UNC13C: variants seen among roughly 807,000 people sequenced by gnomAD.
The protein encoded by UNC13C is unc-13 homolog C, also known as protein unc-13 homolog C.
In UNC13C, 174 loss-of-function variants were observed where a neutral mutation model predicts 245.4. The ratio of observed to expected loss-of-function variants is 0.71; its 90% CI spans 0.63 to 0.80. The LOEUF is 0.80. UNC13C is among the 30% of genes least tolerant of loss of function. UNC13C has a pLI of 0.00. For synonymous variants in UNC13C, 992 were observed against 895.1 expected, an observed-to-expected ratio of 1.11 and a Z score of -1.93; for missense variants, 2,829 against 2,602.9, an observed-to-expected ratio of 1.09 and a Z score of -1.89.
In UNC13C at chr15:54,540,052, G is replaced by A. The variant is rs1041771981; in HGVS notation, c.5697-6670G>A. Among the ~76,000 whole-genome samples the A allele has an allele frequency of 2.0e-5, 3 of 152,014 alleles. No homozygotes were observed. The South Asian group carries it at 6.2e-4, about 31-fold the overall frequency. On this transcript the variant is annotated intron_variant, in intron 26 of 32. Transcript: ENST00000260323. Reference sequence around the variant, plus strand: ...ATGGAGAATTGCAGAAATCCTCAGGGCTAATTCAGAATGCATAACTTAAAA... The same window carrying A: ...ATGGAGAATTGCAGAAATCCTCAGGACTAATTCAGAATGCATAACTTAAAA...
At chr15:54,261,450 A>G (rs2036421707) in intron 8 of UNC13C, among the ~76,000 whole-genome samples, 1 of 152,258 alleles carries the variant, frequency 6.6e-6, no homozygotes. Flanking sequence ...ATTTGTCTCT[A>G]TCTCTGAGCT....
At chr15:54,120,351 C>T (rs1215656400) in intron 2 of UNC13C, among the ~76,000 whole-genome samples, 2 of 152,114 alleles carry the variant, frequency 1.3e-5, no homozygotes, top group Non-Finnish European at 2.9e-5. Context: ...GTTAATGGAG[C>T]CACAAACCTG....
intron 17 of UNC13C, among the ~76,000 whole-genome samples, chr15:54,362,735 C>T (rs188512940): frequency 6.3e-4 from 95 of 151,894 alleles, no homozygotes; most frequent in Non-Finnish European, 1.1e-3. Flanking sequence ...CTCTAATGAT[C>T]GAAAATCACT....
At chr15:53,879,477 A>G in the UNC13C span, among the ~76,000 whole-genome samples, 2 of 152,208 alleles carry the variant, frequency 1.3e-5, no homozygotes, top group African/African-American at 4.8e-5. Flanking sequence ...TTCAATTTTT[A>G]TATCAAATGC....
chr15:54,224,581 A>G (rs1406493782), intron 4 of UNC13C, among the ~76,000 whole-genome samples: 1 of 152,080 alleles, frequency 6.6e-6, no homozygotes, highest in Non-Finnish European at 1.5e-5. Flanking sequence ...CATCAGGGAT[A>G]TTGGCCTGTG....
intron 8 of UNC13C, among the ~76,000 whole-genome samples, chr15:54,254,870 A>G (rs1284908345): frequency 6.6e-6 from 1 of 152,102 alleles, no homozygotes; most frequent in Non-Finnish European, 1.5e-5. Context: ...TGAATTTGAG[A>G]CATTCTATGC....
intron 19 of UNC13C, among the ~76,000 whole-genome samples, chr15:54,442,802 G>A (rs1375263325): frequency 6.6e-6 from 1 of 152,010 alleles, no homozygotes; most frequent in African/African-American, 2.4e-5. Context: ...GTGATGTGCT[G>A]TTGGATTTGT....
chr15:54,188,896 A>G (rs1328249420), intron 4 of UNC13C, among the ~76,000 whole-genome samples: 1 of 152,224 alleles, frequency 6.6e-6, no homozygotes, highest in African/African-American at 2.4e-5. Flanking sequence ...TCTTAGGAAG[A>G]AATGCAATCT....
At chr15:54,080,737 T>G (rs1001294880) in intron 2 of UNC13C, among the ~76,000 whole-genome samples, 4 of 152,120 alleles carry the variant, frequency 2.6e-5, no homozygotes, top group Non-Finnish European at 5.9e-5. Context: ...GATATTGATA[T>G]GTCAGTTTTG....
In UNC13C at chr15:54,222,056, A is replaced by G. The variant is rs551379545; in HGVS notation, c.3072-12974A>G. Among the ~76,000 whole-genome samples the G allele has an allele frequency of 1.4e-4, 22 of 152,220 alleles. No homozygotes were observed. In the East Asian group the frequency reaches 4.0e-3, roughly 28 times the overall value. ...AATGCATAATAATCACATCAGGGTA[A>G]ATGGGATATCCATCAACTCAAGAAT... On this transcript the variant is annotated intron_variant, in intron 4 of 32. Coordinates refer to ENST00000260323, the MANE Select transcript of UNC13C (RefSeq NM_001080534.3).
chr15:54,035,836 G>T (rs1442583869), intron 2 of UNC13C, among the ~76,000 whole-genome samples: 1 of 152,092 alleles, frequency 6.6e-6, no homozygotes, highest in East Asian at 1.9e-4. Context: ...GTTTCACAAG[G>T]TGGGGAGGTA....
intron 2 of UNC13C, among the ~76,000 whole-genome samples, chr15:54,095,322 G>T (rs1480965351): frequency 6.6e-6 from 1 of 152,144 alleles, no homozygotes; most frequent in Non-Finnish European, 1.5e-5. Context: ...CATAGATCGG[G>T]TTGTAGTGGG....
rs11633686 is a variant in UNC13C at position 54,455,206 on chromosome 15, T to C, written c.4934-39402T>C. 4.7e-3 allele frequency among the ~76,000 whole-genome samples: 112 copies of C among 24,024 alleles called. 10 individuals are homozygous for C. The highest frequency in any genetic ancestry group is 7.6e-3 in the East Asian group (6 of 792). 15.8% of individuals were successfully genotyped at this position (24,024 alleles called of 152,430 possible). ...CTCTCTCTCTCTCTCTCTCTCTCTC[T>C]ATATATATATATATATATATATATA... On this transcript the variant is annotated intron_variant, in intron 19 of 32. Coordinates refer to ENST00000260323, the MANE Select transcript of UNC13C (RefSeq NM_001080534.3).
chr15:54,619,382 T>C (rs1011238744), intron 30 of UNC13C, among the ~76,000 whole-genome samples: 1 of 152,200 alleles, frequency 6.6e-6, no homozygotes, highest in Non-Finnish European at 1.5e-5. Context: ...CATTATCCCT[T>C]ATCCTTTCTT....
intron 18 of UNC13C, among the ~76,000 whole-genome samples, chr15:54,412,468 G>C (rs577039530): frequency 6.6e-6 from 1 of 152,100 alleles, no homozygotes; most frequent in Non-Finnish European, 1.5e-5. Context: ...GCCCCCATGG[G>C]GATTACAGAT....
chr15:54,175,611 C>G (rs1237769673), intron 4 of UNC13C, among the ~76,000 whole-genome samples: 1 of 148,072 alleles, frequency 6.8e-6, no homozygotes, highest in Non-Finnish European at 1.5e-5. Flanking sequence ...CTCCCGGGTT[C>G]ACGCCATTCT....
chr15:54,441,454 C>T (rs1405175075), intron 19 of UNC13C, among the ~76,000 whole-genome samples: 1 of 151,826 alleles, frequency 6.6e-6, no homozygotes, highest in Non-Finnish European at 1.5e-5. Context: ...GTTCTTGGCA[C>T]CTTTGGAGGG....
rs60975842 is a variant in UNC13C at position 54,548,208 on chromosome 15, C to CTTTTTTTTTTTTT, written c.5820+1381_5820+1393dup. Among the ~76,000 whole-genome samples, 17 of 61,936 alleles carry CTTTTTTTTTTTTT rather than the reference C, an allele frequency of 2.7e-4. 4 individuals are homozygous for CTTTTTTTTTTTTT. The highest frequency in any genetic ancestry group is 5.7e-4 in the African/African-American group (13 of 22,938). 40.6% of individuals were successfully genotyped at this position (61,936 alleles called of 152,430 possible). The stretch of plus-strand genomic sequence containing the variant: ...TGTTGTTGTTGTTTTGTTTCTTTTG[C>CTTTTTTTTTTTTT]TTTTTTTTTTTTTTTTTTTTTTTTT... On this transcript the variant is annotated intron_variant, in intron 27 of 32. Transcript: ENST00000260323.
chr15:54,202,516 T>C (rs2034554978), intron 4 of UNC13C, among the ~76,000 whole-genome samples: 1 of 151,808 alleles, frequency 6.6e-6, no homozygotes, highest in African/African-American at 2.4e-5. Flanking sequence ...TAAACCCAAA[T>C]ACTTAGAGCC....
Sources: allele counts gnomAD v4.1 joint callset (sites outside exome capture counted in the v4.1 genomes callset), GRCh38; gene constraint gnomAD v4.1.1; transcripts MANE v1.5; gene names NCBI Gene and HGNC (gene_info 2026-07-23, HGNC 2026-07-21).